ARID2: variants seen among roughly 807,000 people sequenced by gnomAD.
The protein encoded by ARID2 is AT-rich interactive domain-containing protein 2.
Under a neutral mutation model 184.6 loss-of-function variants are expected in ARID2, and 32 were observed. The observed-to-expected ratio is 0.17, with a 90% confidence interval of 0.13 to 0.23. The LOEUF (loss-of-function observed/expected upper bound fraction) is 0.23, where lower values mean the gene tolerates loss of function less well. ARID2 is among the 10% of genes least tolerant of loss of function. The pLI, the probability that ARID2 is intolerant of heterozygous loss-of-function variation, is 1.00. For synonymous variants in ARID2, 836 were observed against 772.6 expected (o/e 1.08, Z -1.36); for missense variants, 1,696 against 2,197.6 (o/e 0.77, Z 4.56).
At chr12:45,902,135 C>T (rs1467014822) in intron 20 of ARID2, among the ~76,000 whole-genome samples, 1 of 152,060 alleles carries the variant, frequency 6.6e-6, no homozygotes, top group Non-Finnish European at 1.5e-5. Context: ...ATTAGAGTGA[C>T]CCAATATTTA....
intron 3 of ARID2, among the ~76,000 whole-genome samples, chr12:45,749,975 T>C (rs1027032649): frequency 1.3e-5 from 2 of 152,248 alleles, no homozygotes; most frequent in African/African-American, 4.8e-5. Context: ...TTATCATTTG[T>C]GTGTTCCCTG....
chr12:45,732,905 T>A (rs1158119329), intron 3 of ARID2, among the ~76,000 whole-genome samples: 1 of 152,178 alleles, frequency 6.6e-6, no homozygotes, highest in Admixed American at 6.5e-5. Context: ...CAATTTTTTT[T>A]AACAAAAGTT....
intron 3 of ARID2, among the ~76,000 whole-genome samples, chr12:45,752,115 C>CTA: frequency 6.6e-6 from 1 of 152,234 alleles, no homozygotes; most frequent in East Asian, 1.9e-4. Flanking sequence ...TTATCAAAGT[C>CTA]TATAATATGT....
At chr12:45,827,160 A>G (rs1444885890) in intron 6 of ARID2, among the ~76,000 whole-genome samples, 1 of 151,964 alleles carries the variant, frequency 6.6e-6, no homozygotes, top group Non-Finnish European at 1.5e-5. Context: ...AGAGTATACT[A>G]GATCCTTCAC....
chr12:45,765,029 A>T (rs2138015041), intron 3 of ARID2, among the ~76,000 whole-genome samples: 1 of 152,352 alleles, frequency 6.6e-6, no homozygotes, highest in East Asian at 1.9e-4. Flanking sequence ...TTTTTAAATT[A>T]ATTTTAGCCA....
intron 3 of ARID2, among the ~76,000 whole-genome samples, chr12:45,805,044 G>T (rs1339504522): frequency 6.6e-6 from 1 of 151,854 alleles, no homozygotes; most frequent in Non-Finnish European, 1.5e-5. Flanking sequence ...GTATTTTATT[G>T]CCTCAATATG....
intron 3 of ARID2, among the ~76,000 whole-genome samples, chr12:45,770,990 A>G (rs530461285): frequency 6.6e-6 from 1 of 152,276 alleles, no homozygotes; most frequent in African/African-American, 2.4e-5. Flanking sequence ...GTCACTACCA[A>G]TAAGAAGTAC....
At chr12:45,867,097 C>T (rs746178926) in intron 16 of ARID2, among the ~76,000 whole-genome samples, 4 of 151,864 alleles carry the variant, frequency 2.6e-5, no homozygotes, top group African/African-American at 7.3e-5. Context: ...ACTACAGGTG[C>T]GTGCCACCAT....
intron 10 of ARID2, among the ~76,000 whole-genome samples, 157 bp downstream of exon 10, chr12:45,837,864 C>T (rs1943249229): frequency 6.6e-6 from 1 of 152,136 alleles, no homozygotes; most frequent in Non-Finnish European, 1.5e-5. Flanking sequence ...CTTTATTATG[C>T]TTTAAATTCA....
intron 6 of ARID2, among the ~76,000 whole-genome samples, chr12:45,823,353 A>G (rs1277899964): frequency 6.6e-6 from 1 of 152,146 alleles, no homozygotes; most frequent in African/African-American, 2.4e-5. Context: ...AAAAAAGTAG[A>G]AAGATTTCAA....
intron 3 of ARID2, among the ~76,000 whole-genome samples, chr12:45,738,779 CTTTT>C (rs11333868): frequency 5.0e-4 from 31 of 62,276 alleles, no homozygotes; most frequent in African/African-American, 2.4e-3. Flanking sequence ...ATATGGGCTA[CTTTT>C]TTTTTTTTTT....
At chr12:45,902,535 A>T (rs1427197486) in intron 20 of ARID2, among the ~76,000 whole-genome samples, 4 of 145,446 alleles carry the variant, frequency 2.8e-5, no homozygotes, top group Admixed American at 6.9e-5. Context: ...TATTTTGTAA[A>T]TTTTTTTTTT....
At chr12:45,875,241 C>T (rs1943991930) in intron 16 of ARID2, among the ~76,000 whole-genome samples, 1 of 152,146 alleles carries the variant, frequency 6.6e-6, no homozygotes, top group Non-Finnish European at 1.5e-5. Context: ...CTCTTGGGCA[C>T]CTAGATACAT....
intron 3 of ARID2, among the ~76,000 whole-genome samples, chr12:45,742,038 TA>T (rs1226900244): frequency 6.6e-6 from 1 of 152,206 alleles, no homozygotes; most frequent in Admixed American, 6.5e-5. Flanking sequence ...TACAATAGTA[TA>T]TATGTTCATC....
chr12:45,761,518 CAA>C lies in ARID2; in HGVS notation c.284+30205_284+30206del, dbSNP rs1005318800. Reference sequence around the variant, plus strand: ...TAAGCATGGATTTGTTTTTCTACCTCAATATTTTGAGGATAGGGTAATGTTTT... The same window carrying C: ...TAAGCATGGATTTGTTTTTCTACCTCTATTTTGAGGATAGGGTAATGTTTT... On this transcript the variant is annotated intron_variant, in intron 3 of 20. Coordinates refer to ENST00000334344, the MANE Select transcript of ARID2 (RefSeq NM_152641.4). Among the ~76,000 whole-genome samples, 12 of 152,074 alleles carry C rather than the reference CAA, an allele frequency of 7.9e-5. No individual in the cohort carries two copies. In the East Asian group the frequency reaches 2.3e-3, roughly 29 times the overall value.
At chr12:45,781,774 CT>C (rs1942094711) in intron 3 of ARID2, among the ~76,000 whole-genome samples, 1 of 152,122 alleles carries the variant, frequency 6.6e-6, no homozygotes, top group Admixed American at 6.5e-5. Flanking sequence ...ACAAAAGCTG[CT>C]TATTGTATCC....
At chr12:45,875,893 C>T (rs1944001697) in intron 16 of ARID2, among the ~76,000 whole-genome samples, 1 of 152,208 alleles carries the variant, frequency 6.6e-6, no homozygotes, top group East Asian at 1.9e-4. Context: ...CTATCCAGAC[C>T]TCTACAACTG....
intron 3 of ARID2, among the ~76,000 whole-genome samples, chr12:45,737,623 A>G (rs1311112533): frequency 6.6e-6 from 1 of 151,698 alleles, no homozygotes; most frequent in African/African-American, 2.4e-5. Flanking sequence ...TAGTGATGCT[A>G]AGATTGAACA....
chr12:45,865,633 A>G lies in ARID2; in HGVS notation c.4922+4684A>G, dbSNP rs184887964. On this transcript the variant is annotated intron_variant, in intron 16 of 20. Transcript: ENST00000334344. Reference sequence around the variant, plus strand: ...GAAGAACCCCCATGTTTTTATTTAGAACTTATGTGATTTTTTAGTTTCCAT... The same window carrying G: ...GAAGAACCCCCATGTTTTTATTTAGGACTTATGTGATTTTTTAGTTTCCAT... Among the ~76,000 whole-genome samples, 14 of 152,178 alleles carry G rather than the reference A, an allele frequency of 9.2e-5. No individual in the cohort carries two copies. In the East Asian group the frequency reaches 2.7e-3, roughly 29 times the overall value.
Sources: allele counts gnomAD v4.1 joint callset (sites outside exome capture counted in the v4.1 genomes callset), GRCh38; gene constraint gnomAD v4.1.1; transcripts MANE v1.5; gene names NCBI Gene and HGNC (gene_info 2026-07-23, HGNC 2026-07-21).